GLYATL2: variants seen among roughly 807,000 people sequenced by gnomAD.
GLYATL2 encodes the protein glycine-N-acyltransferase like 2.
Under a neutral mutation model 21.4 loss-of-function variants are expected in GLYATL2, and 25 were observed. The observed-to-expected ratio is 1.17, with a 90% CI of 0.85 to 1.63. The LOEUF is 1.63. Ranked by LOEUF, GLYATL2 falls within the 40% of genes most tolerant of loss-of-function variation. The probability of loss-of-function intolerance (pLI) is 0.00; values close to 1 mark genes in which losing one functional copy is unlikely to be tolerated. For missense variants in GLYATL2, 361 were observed against 343.3 expected, an observed-to-expected ratio of 1.05 and a Z score of -0.41; for synonymous variants, 114 against 118.2, an observed-to-expected ratio of 0.96 and a Z score of 0.23.
At chr11:58,877,029 G>A (rs1854247048) in intron 1 of GLYATL2, among the ~76,000 whole-genome samples, 1 of 152,228 alleles carries the variant, frequency 6.6e-6, no homozygotes, top group Non-Finnish European at 1.5e-5. Flanking sequence ...CTTGCAGTTT[G>A]ATCTCAGACG....
At chr11:58,877,089 T>G (rs1385485442) in intron 1 of GLYATL2, among the ~76,000 whole-genome samples, 1 of 152,206 alleles carries the variant, frequency 6.6e-6, no homozygotes, top group South Asian at 2.1e-4. Context: ...CTCTGTGCCT[T>G]GTGCAGGATA....
chr11:58,869,059 A>T (rs1854070080), intron 1 of GLYATL2, among the ~76,000 whole-genome samples: 1 of 128,424 alleles, frequency 7.8e-6, no homozygotes, highest in African/African-American at 2.5e-5. Flanking sequence ...CCATTTGAGA[A>T]ATTCTGTAGG....
chr11:58,848,804 C>G (rs1853688528), upstream of GLYATL2, among the ~76,000 whole-genome samples: 1 of 152,018 alleles, frequency 6.6e-6, no homozygotes, highest in Admixed American at 6.6e-5. Context: ...GAAATAATAA[C>G]AGAGAACTTC....
At chr11:58,835,568 G>C (rs1248433798) in intron 5 of GLYATL2, among the ~76,000 whole-genome samples, 1 of 152,170 alleles carries the variant, frequency 6.6e-6, no homozygotes, top group East Asian at 1.9e-4. Context: ...CCTCTCCAGG[G>C]AGAAAGAGTT....
Position 58,835,309 on chromosome 11 carries a change from C to T in GLYATL2, c.477-472G>A, listed in dbSNP as rs139235565. Among the ~76,000 whole-genome samples, 593 of 152,344 alleles carry T rather than the reference C, an allele frequency of 3.9e-3. 3 individuals carry two copies. Among genetic ancestry groups the T allele is most frequent in the Non-Finnish European group, 6.8e-3 (465 of 68,034 alleles). On this transcript the variant is annotated intron_variant, in intron 5 of 5. Transcript: ENST00000287275. ...ATTTTACAGGAAGATGAGAACAATGCTGATCTTACATCTTCATGTGTCCCA... is the reference window on the plus strand; with the variant it reads ...ATTTTACAGGAAGATGAGAACAATGTTGATCTTACATCTTCATGTGTCCCA...
chr11:58,874,514 A>G (rs1332230105), intron 1 of GLYATL2, among the ~76,000 whole-genome samples: 1 of 152,196 alleles, frequency 6.6e-6, no homozygotes, highest in East Asian at 1.9e-4. Flanking sequence ...GTTTCAAAGA[A>G]CATCTTTATT....
At chr11:58,857,232 C>G (rs755561670) in intron 1 of GLYATL2, among the ~76,000 whole-genome samples, 29 of 152,168 alleles carry the variant, frequency 1.9e-4, no homozygotes, top group Non-Finnish European at 4.0e-4. Flanking sequence ...TGAGGTGATA[C>G]TGTGACTTTA....
chr11:58,867,941 T>C (rs558375366), intron 1 of GLYATL2, among the ~76,000 whole-genome samples: 1 of 149,000 alleles, frequency 6.7e-6, no homozygotes, highest in South Asian at 2.2e-4. Context: ...CTTACCCCAC[T>C]GCATCCCATA....
At chr11:58,884,807 G>T in intron 1 of GLYATL2, 1 of 162,822 alleles carries the variant, frequency 6.1e-6, no homozygotes. Context: ...GATACTGACA[G>T]TACCTACATC....
intron 1 of GLYATL2, among the ~76,000 whole-genome samples, chr11:58,899,691 A>G (rs1854701466): frequency 6.6e-6 from 1 of 152,166 alleles, no homozygotes; most frequent in African/African-American, 2.4e-5. Context: ...CACTCCAGGA[A>G]TCACCCAAGA....
chr11:58,863,751 C>T (rs765841398), intron 1 of GLYATL2, among the ~76,000 whole-genome samples: 29 of 152,034 alleles, frequency 1.9e-4, no homozygotes, highest in Non-Finnish European at 4.0e-4. Context: ...GAGACTAGGT[C>T]CACAAAGGCT....
chr11:58,892,627 G>A (rs1277701681), intron 1 of GLYATL2: 6 of 297,714 alleles, frequency 2.0e-5, no homozygotes, highest in Middle Eastern at 4.6e-4. Context: ...AGAACATCAC[G>A]TCTGACAATA....
At chr11:58,878,510 A>C (rs1854278300) in intron 1 of GLYATL2, 1 of 189,720 alleles carries the variant, frequency 5.3e-6, no homozygotes, top group Non-Finnish European at 1.1e-5. Flanking sequence ...CTAGGAATGA[A>C]TTTGATCTAA....
intron 1 of GLYATL2, among the ~76,000 whole-genome samples, chr11:58,877,622 A>G (rs1424696034): frequency 6.6e-6 from 1 of 152,242 alleles, no homozygotes; most frequent in Admixed American, 6.5e-5. Flanking sequence ...TGTCTTGGAA[A>G]CCCAGTGAAG....
In GLYATL2 at chr11:58,876,638, A is replaced by G. The variant is rs555305843; in HGVS notation, n.60+27518T>C. On this transcript the variant is annotated intron_variant and non_coding_transcript_variant, in intron 1 of 4. Coordinates refer to the GLYATL2 transcript ENST00000533636. ...GAACCACAAATGCTGCTGCCTGATC[A>G]TTCCTCTGGAAGTTTTGTCTCAGAG... Among the ~76,000 whole-genome samples the G allele has an allele frequency of 1.6e-3, 240 of 152,206 alleles. 2 individuals are homozygous for G. Among genetic ancestry groups the G allele is most frequent in the African/African-American group, 5.6e-3 (231 of 41,540 alleles).
Position 58,901,584 on chromosome 11 carries a change from C to A in GLYATL2, n.60+2572G>T, listed in dbSNP as rs141839100. Among the ~76,000 whole-genome samples the A allele has an allele frequency of 2.0e-5, 3 of 152,128 alleles. No individual in the cohort carries two copies. In the East Asian group the frequency reaches 5.8e-4, roughly 29 times the overall value. ...CTTAGGGAATGGAGACTTCCCCCAC[C>A]CCCACCAAGAGGGAAAGGAATTTGC... On this transcript the variant is annotated intron_variant and non_coding_transcript_variant, in intron 1 of 4. Coordinates refer to the GLYATL2 transcript ENST00000533636.
Position 58,868,234 on chromosome 11 carries a change from G to T in GLYATL2, n.61-29866C>A, listed in dbSNP as rs1269419337. Among the ~76,000 whole-genome samples, 3 of 148,804 alleles carry T rather than the reference G, an allele frequency of 2.0e-5. 1 individual carries two copies. The Admixed American group carries it at 2.1e-4, about 10-fold the overall frequency. ...GATAGATTTTTGTATAAACATAGAA[G>T]TTGACCCTCTGGTCTTAGAGCTTGA... On this transcript the variant is annotated intron_variant and non_coding_transcript_variant, in intron 1 of 4. Coordinates refer to the GLYATL2 transcript ENST00000533636.
At chr11:58,876,662 A>G (rs1031245793) in intron 1 of GLYATL2, among the ~76,000 whole-genome samples, 1 of 152,156 alleles carries the variant, frequency 6.6e-6, no homozygotes, top group Non-Finnish European at 1.5e-5. Context: ...TTTGTCTCAG[A>G]GGAGTACCTG....
chr11:58,845,044 C>A (rs1165780492), upstream of GLYATL2, among the ~76,000 whole-genome samples: 1 of 152,088 alleles, frequency 6.6e-6, no homozygotes, highest in Non-Finnish European at 1.5e-5. Context: ...AAATCAATTA[C>A]TGGAGAAAAG....
Sources: allele counts gnomAD v4.1 joint callset (sites outside exome capture counted in the v4.1 genomes callset), GRCh38; gene constraint gnomAD v4.1.1; transcripts MANE v1.5; gene names NCBI Gene and HGNC (gene_info 2026-07-23, HGNC 2026-07-21).